The following GALNT1 variants were observed in gnomAD, a reference collection of about 807,000 sequenced individuals.
The protein encoded by GALNT1 is polypeptide N-acetylgalactosaminyltransferase 1.
A neutral mutation model predicts 65.7 loss-of-function variants in GALNT1; 17 were observed. The observed-to-expected ratio is 0.26, with a 90% CI of 0.18 to 0.39. GALNT1 has a LOEUF of 0.39. Among genes scored for constraint, GALNT1 ranks in the 10% least tolerant of loss-of-function variants. The pLI, the probability that GALNT1 is intolerant of heterozygous loss-of-function variation, is 1.00. For missense variants in GALNT1, 460 were observed against 672.8 expected (o/e 0.68, Z 3.50); for synonymous variants, 210 against 219.7 (o/e 0.96, Z 0.39).
At chr18:35,657,809 C>A (rs73948104) in intron 2 of GALNT1, among the ~76,000 whole-genome samples, 2,412 of 152,202 alleles carry the variant, frequency 0.016, 31 homozygotes, top group African/African-American at 0.028. Context: ...TGTGGCTGTT[C>A]TTTAGGAAGC....
intron 3 of GALNT1, among the ~76,000 whole-genome samples, chr18:35,675,998 A>G (rs141415072): frequency 6.6e-6 from 1 of 152,346 alleles, no homozygotes; most frequent in Non-Finnish European, 1.5e-5. Flanking sequence ...GCCACCATTT[A>G]TAACAGAGTT....
chr18:35,695,360 G>A (rs766354891), intron 9 of GALNT1, among the ~76,000 whole-genome samples: 34 of 152,266 alleles, frequency 2.2e-4, no homozygotes, highest in Non-Finnish European at 4.9e-4. Context: ...AGGTTTGGAG[G>A]TGGAAACTGG....
intron 5 of GALNT1, among the ~76,000 whole-genome samples, chr18:35,685,170 A>T (rs2047847984): frequency 6.6e-6 from 1 of 152,158 alleles, no homozygotes; most frequent in Non-Finnish European, 1.5e-5. Flanking sequence ...CTGTTCATGA[A>T]TGCTAGTACA....
At position 35,694,329 on chromosome 18, in the gene GALNT1, G is replaced by A. The variant is rs1350686890; in HGVS notation, c.1299+2009G>A. Among the ~76,000 whole-genome samples, 5 of 152,108 alleles carry A rather than the reference G, an allele frequency of 3.3e-5. No homozygotes were observed. In the East Asian group the frequency reaches 5.8e-4, roughly 18 times the overall value. ...TTCTTTATTAAGATAAAACTGTGCT[G>A]ATATGAGCAACCCAAAAGAGAAAAT... On this transcript the variant is annotated intron_variant, in intron 9 of 11. Transcript: ENST00000269195.
chr18:35,587,191 T>C (rs1038865131), intron 1 of GALNT1, among the ~76,000 whole-genome samples: 1 of 152,256 alleles, frequency 6.6e-6, no homozygotes, highest in African/African-American at 2.4e-5. Context: ...AACTTTCATA[T>C]GTTGATTTTG....
intron 1 of GALNT1, among the ~76,000 whole-genome samples, chr18:35,619,504 T>C (rs918465323): frequency 6.6e-6 from 1 of 152,154 alleles, no homozygotes; most frequent in African/African-American, 2.4e-5. Flanking sequence ...GGAGGAAAAG[T>C]ATGGCACTGA....
intron 4 of GALNT1, among the ~76,000 whole-genome samples, chr18:35,679,289 A>C (rs1568030890): frequency 6.6e-6 from 1 of 152,260 alleles, no homozygotes. Flanking sequence ...ATATTCTTCC[A>C]GAAGAGATAC....
chr18:35,695,198 G>A (rs2048034536), intron 9 of GALNT1, among the ~76,000 whole-genome samples: 1 of 151,928 alleles, frequency 6.6e-6, no homozygotes, highest in African/African-American at 2.4e-5. Context: ...AAGAAAGAAG[G>A]GATCTGTTGT....
At chr18:35,615,787 A>G (rs1309389320) in intron 1 of GALNT1, among the ~76,000 whole-genome samples, 1 of 152,240 alleles carries the variant, frequency 6.6e-6, no homozygotes, top group Non-Finnish European at 1.5e-5. Flanking sequence ...GCCAGTAAAC[A>G]GTTGTTTTCA....
intron 1 of GALNT1, among the ~76,000 whole-genome samples, chr18:35,582,530 C>A (rs1362814010): frequency 6.6e-6 from 1 of 152,220 alleles, no homozygotes; most frequent in African/African-American, 2.4e-5. Context: ...AGATTTGTGA[C>A]CTTGTCCTCA....
Position 35,602,040 on chromosome 18 carries a change from A to G in GALNT1, c.-104+20178A>G, listed in dbSNP as rs563225517. Among the ~76,000 whole-genome samples, 142 of 152,236 alleles carry G rather than the reference A, an allele frequency of 9.3e-4. 3 individuals are homozygous for G. The South Asian group carries it at 9.8e-3, about 10-fold the overall frequency. On this transcript the variant is annotated intron_variant, in intron 1 of 11. Transcript: ENST00000269195. The stretch of plus-strand genomic sequence containing the variant: ...TTCAGATTGAAGAACTCCCTTTAGC[A>G]TTTGTTATGAGTCAGGTCTAGCAGT...
intron 1 of GALNT1, among the ~76,000 whole-genome samples, chr18:35,606,835 GTGTGTGT>G (rs2046655432): frequency 8.6e-6 from 1 of 116,742 alleles, no homozygotes; most frequent in African/African-American, 3.4e-5. Context: ...GTGTGTGTGT[GTGTGTGT>G]GTGTGTGTGT....
At chr18:35,625,303 A>G (rs962201025) in intron 1 of GALNT1, among the ~76,000 whole-genome samples, 6 of 152,204 alleles carry the variant, frequency 3.9e-5, no homozygotes, top group African/African-American at 1.4e-4. Flanking sequence ...GGGTCTTGAG[A>G]ACAGATCCGG....
At chr18:35,584,054 C>T (rs2046353396) in intron 1 of GALNT1, among the ~76,000 whole-genome samples, 1 of 152,114 alleles carries the variant, frequency 6.6e-6, no homozygotes, top group African/African-American at 2.4e-5. Context: ...GAATCCAGTC[C>T]AGTGTACTAC....
chr18:35,697,179 C>T (rs1223397179), intron 9 of GALNT1, among the ~76,000 whole-genome samples: 1 of 152,080 alleles, frequency 6.6e-6, no homozygotes, highest in Non-Finnish European at 1.5e-5. Context: ...TGTATCTGTC[C>T]CTGCTAGAGC....
chr18:35,619,097 T>G lies in GALNT1; in HGVS notation c.-103-35463T>G, dbSNP rs182741894. On this transcript the variant is annotated intron_variant, in intron 1 of 11. Transcript: ENST00000269195. ...TTAAGGAAAAAAGGAAGGGTATGGTTGTTTTGCAGTGTGTGGTACCTGCGA... is the reference window on the plus strand; with the variant it reads ...TTAAGGAAAAAAGGAAGGGTATGGTGGTTTTGCAGTGTGTGGTACCTGCGA... Among the ~76,000 whole-genome samples, 42 of 152,336 alleles carry G rather than the reference T, an allele frequency of 2.8e-4. No homozygotes were observed. The East Asian group carries it at 6.7e-3, about 24-fold the overall frequency.
intron 11 of GALNT1, among the ~76,000 whole-genome samples, chr18:35,705,271 A>T (rs945263184): frequency 6.6e-6 from 1 of 152,116 alleles, no homozygotes; most frequent in Non-Finnish European, 1.5e-5. Context: ...CTTTGACATC[A>T]CTTCCATGAA....
intron 1 of GALNT1, among the ~76,000 whole-genome samples, chr18:35,616,929 T>G (rs1173988686): frequency 6.6e-6 from 1 of 152,178 alleles, no homozygotes; most frequent in Non-Finnish European, 1.5e-5. Context: ...GATAAAATTC[T>G]CTCTCTAATG....
At chr18:35,653,582 T>A (rs1015389718) in intron 1 of GALNT1, among the ~76,000 whole-genome samples, 14 of 152,246 alleles carry the variant, frequency 9.2e-5, no homozygotes, top group Non-Finnish European at 8.8e-5. Context: ...ATATTTCTCC[T>A]GGTCTTCAGT....
Sources: allele counts gnomAD v4.1 joint callset (sites outside exome capture counted in the v4.1 genomes callset), GRCh38; gene constraint gnomAD v4.1.1; transcripts MANE v1.5; gene names NCBI Gene and HGNC (gene_info 2026-07-23, HGNC 2026-07-21).